Variants in ADCY8 observed in about 807,000 individuals in gnomAD.
ADCY8 encodes the protein adenylate cyclase type 8.
ADCY8 carries 51 observed loss-of-function variants against 119.7 expected under a neutral mutation model. The ratio of observed to expected loss-of-function variants is 0.43; its 90% confidence interval spans 0.34 to 0.54. The LOEUF is 0.54. Ranked by LOEUF, ADCY8 falls within the 20% of genes least tolerant of loss-of-function variation. The probability of loss-of-function intolerance (pLI) is 0.03; values close to 1 mark genes in which losing one functional copy is unlikely to be tolerated. For missense variants in ADCY8, 1,383 were observed against 1,598.8 expected (o/e 0.87, Z 2.30); for synonymous variants, 665 against 651.0 (o/e 1.02, Z -0.33).
intron 2 of ADCY8, among the ~76,000 whole-genome samples, chr8:130,952,953 G>A (rs1454195015): frequency 6.6e-6 from 1 of 152,216 alleles, no homozygotes; most frequent in African/African-American, 2.4e-5. Flanking sequence ...TGAGACGCAC[G>A]CAGCCTGAAA....
At chr8:130,977,558 A>G (rs778425398) in intron 2 of ADCY8, among the ~76,000 whole-genome samples, 30 of 152,248 alleles carry the variant, frequency 2.0e-4, no homozygotes, top group Non-Finnish European at 3.4e-4. Flanking sequence ...AAATGCCTAA[A>G]GGAGAGAAGC....
intron 2 of ADCY8, among the ~76,000 whole-genome samples, chr8:130,970,879 C>G (rs943303645): frequency 6.6e-6 from 1 of 152,124 alleles, no homozygotes; most frequent in African/African-American, 2.4e-5. Context: ...ATGACAGGGA[C>G]CTGGAACATG....
At chr8:130,785,512 T>C (rs778694714) in intron 15 of ADCY8, 37 bp from the exon 16 acceptor site, 25 of 1,514,880 alleles carry the variant, frequency 1.7e-5, no homozygotes, top group Non-Finnish European at 2.1e-5. Context: ...AGCCCTGGTG[T>C]TTATTCTTCC....
chr8:130,864,882 T>G (rs1818060309), intron 9 of ADCY8, among the ~76,000 whole-genome samples: 1 of 152,174 alleles, frequency 6.6e-6, no homozygotes, highest in African/African-American at 2.4e-5. Context: ...CTTTGCCTCT[T>G]CTTTTTTTTG....
At chr8:130,839,320 C>G (rs541895923) in intron 11 of ADCY8, among the ~76,000 whole-genome samples, 1 of 139,854 alleles carries the variant, frequency 7.2e-6, no homozygotes, top group Non-Finnish European at 1.6e-5. Flanking sequence ...ACTCCTATCC[C>G]CCATTCCATC....
intron 5 of ADCY8, among the ~76,000 whole-genome samples, chr8:130,912,903 T>C (rs1820023361): frequency 6.6e-6 from 1 of 152,114 alleles, no homozygotes; most frequent in Non-Finnish European, 1.5e-5. Flanking sequence ...AATCCAGCCT[T>C]TGAGAGGAGC....
chr8:130,857,434 T>A (rs1449792261), intron 9 of ADCY8, among the ~76,000 whole-genome samples: 6 of 152,198 alleles, frequency 3.9e-5, no homozygotes, highest in African/African-American at 1.4e-4. Flanking sequence ...TTAAAATCTG[T>A]AACTTGTCTC....
chr8:130,802,272 A>G (rs1563670243), intron 14 of ADCY8, among the ~76,000 whole-genome samples: 1 of 152,202 alleles, frequency 6.6e-6, no homozygotes, highest in African/African-American at 2.4e-5. Context: ...CATTGTATCC[A>G]TCTTCAATAA....
chr8:130,955,050 C>A (rs1369661042), intron 2 of ADCY8, among the ~76,000 whole-genome samples: 1 of 152,124 alleles, frequency 6.6e-6, no homozygotes, highest in Non-Finnish European at 1.5e-5. Context: ...TACTACATGT[C>A]AGCTCAGTTC....
chr8:130,927,689 A>C (rs879305974), intron 5 of ADCY8, among the ~76,000 whole-genome samples: 3 of 148,216 alleles, frequency 2.0e-5, no homozygotes, highest in Non-Finnish European at 4.5e-5. Context: ...AATTCTAACC[A>C]TTTTTTTTTT....
At chr8:130,834,129 T>C (rs1184913764) in intron 12 of ADCY8, among the ~76,000 whole-genome samples, 2 of 152,192 alleles carry the variant, frequency 1.3e-5, no homozygotes, top group African/African-American at 4.8e-5. Context: ...CACATATACA[T>C]AGGTCAAAAA....
intron 11 of ADCY8, among the ~76,000 whole-genome samples, chr8:130,847,211 G>A (rs928575047): frequency 1.3e-5 from 2 of 151,916 alleles, no homozygotes; most frequent in Non-Finnish European, 2.9e-5. Flanking sequence ...AGGCAGAGGA[G>A]GGGACAGGAA....
At chr8:130,847,172 G>T (rs979331369) in intron 11 of ADCY8, among the ~76,000 whole-genome samples, 1 of 151,920 alleles carries the variant, frequency 6.6e-6, no homozygotes, top group African/African-American at 2.4e-5. Flanking sequence ...GAGGGAGAAA[G>T]AAATGAGGAA....
chr8:130,973,079 C>T (rs1821971434), intron 2 of ADCY8, among the ~76,000 whole-genome samples: 1 of 152,174 alleles, frequency 6.6e-6, no homozygotes, highest in African/African-American at 2.4e-5. Context: ...TCATCCCTTG[C>T]CTCTTTGACA....
chr8:130,825,243 G>A lies in ADCY8; in HGVS notation c.2676-3823C>T, dbSNP rs564941328. Among the ~76,000 whole-genome samples, 8 of 151,946 alleles carry A rather than the reference G, an allele frequency of 5.3e-5. No homozygotes were observed. The South Asian group carries it at 8.3e-4, about 16-fold the overall frequency. Reference sequence around the variant, plus strand: ...ATTTAAAAACATACAGTAAATTATTGTCAATTATAGTCACCCTGCAGTGCT... The same window carrying A: ...ATTTAAAAACATACAGTAAATTATTATCAATTATAGTCACCCTGCAGTGCT... On this transcript the variant is annotated intron_variant, in intron 12 of 17. Transcript: ENST00000286355.
chr8:130,852,036 G>A (rs1460930112), intron 9 of ADCY8, among the ~76,000 whole-genome samples: 1 of 152,138 alleles, frequency 6.6e-6, no homozygotes, highest in Non-Finnish European at 1.5e-5. Flanking sequence ...GAGCTGTGGG[G>A]GATGCTAATG....
chr8:131,016,709 A>G (rs775102433), intron 1 of ADCY8, among the ~76,000 whole-genome samples: 5 of 152,182 alleles, frequency 3.3e-5, no homozygotes, highest in South Asian at 2.1e-4. Context: ...AAAGAGAGAG[A>G]GAGTATGTGG....
intron 9 of ADCY8, among the ~76,000 whole-genome samples, chr8:130,867,021 T>TA (rs1488169790): frequency 2.0e-5 from 3 of 152,176 alleles, no homozygotes; most frequent in Admixed American, 2.0e-4. Context: ...ATTAAGTATT[T>TA]AAAAAATATT....
chr8:130,930,255 A>ATT (rs754342584), intron 5 of ADCY8, among the ~76,000 whole-genome samples: 4 of 141,800 alleles, frequency 2.8e-5, no homozygotes, highest in Non-Finnish European at 3.1e-5. Flanking sequence ...CTTCTTCTAC[A>ATT]TTTTTTTTTT....
Sources: gnomAD v4.1 joint callset for allele counts (sites outside exome capture counted in the v4.1 genomes callset) on GRCh38, gnomAD v4.1.1 for gene constraint, MANE v1.5 for transcripts, NCBI Gene and HGNC (gene_info 2026-07-23, HGNC 2026-07-21) for gene names.